UVRAG: variants seen among roughly 807,000 people sequenced by gnomAD.
UVRAG encodes UV radiation resistance-associated gene protein.
Under a neutral mutation model 78.0 loss-of-function variants are expected in UVRAG, and 19 were observed. The observed-to-expected ratio is 0.24, with a 90% CI of 0.17 to 0.36. UVRAG has a LOEUF of 0.36. Ranked by LOEUF, UVRAG falls within the 10% of genes least tolerant of loss-of-function variation. The pLI, the probability that UVRAG is intolerant of heterozygous loss-of-function variation, is 1.00. For missense variants in UVRAG, 740 were observed against 853.8 expected (o/e 0.87, Z 1.66); for synonymous variants, 323 against 324.6 (o/e 1.00, Z 0.05).
intron 7 of UVRAG, among the ~76,000 whole-genome samples, chr11:75,963,874 T>C (rs1948960574): frequency 6.6e-6 from 1 of 152,218 alleles, no homozygotes; most frequent in Non-Finnish European, 1.5e-5. Flanking sequence ...TTGTCTGGGC[T>C]GCTCTTGAAC....
chr11:75,950,285 G>A (rs575834070), intron 6 of UVRAG, among the ~76,000 whole-genome samples: 3 of 152,194 alleles, frequency 2.0e-5, no homozygotes, highest in East Asian at 1.9e-4. Context: ...TTAGAGACAG[G>A]GACTCATTCT....
At chr11:76,088,356 G>A (rs1951630944) in intron 13 of UVRAG, among the ~76,000 whole-genome samples, 1 of 152,056 alleles carries the variant, frequency 6.6e-6, no homozygotes, top group Admixed American at 6.5e-5. Context: ...TGAGAAAAAC[G>A]AGGACGAGGG....
In UVRAG at chr11:75,897,744, G is replaced by T. The variant is rs143066434; in HGVS notation, c.507+8841G>T. Among the ~76,000 whole-genome samples, 1,497 of 151,810 alleles carry T rather than the reference G, an allele frequency of 9.9e-3. 10 individuals are homozygous for T. Among genetic ancestry groups the T allele is most frequent in the African/African-American group, 0.027 (1,136 of 41,380 alleles). ...TCACCATGTTGTCCAGGCTGGTCTCGAACTCCTGACCTCAAGTGATCTGCC... is the reference window on the plus strand; with the variant it reads ...TCACCATGTTGTCCAGGCTGGTCTCTAACTCCTGACCTCAAGTGATCTGCC... On this transcript the variant is annotated intron_variant, in intron 5 of 14. Coordinates refer to ENST00000356136, the MANE Select transcript of UVRAG (RefSeq NM_003369.4).
intron 8 of UVRAG, among the ~76,000 whole-genome samples, chr11:76,002,020 C>T (rs1244909704): frequency 6.6e-6 from 1 of 152,142 alleles, no homozygotes; most frequent in African/African-American, 2.4e-5. Flanking sequence ...TGCTCTTAAA[C>T]ATGGACATCA....
Position 76,028,956 on chromosome 11 carries a change from C to T in UVRAG, c.1226+11976C>T, listed in dbSNP as rs895304433. Among the ~76,000 whole-genome samples, 6 of 152,072 alleles carry T rather than the reference C, an allele frequency of 3.9e-5. No homozygotes were observed. In the South Asian group the frequency reaches 6.2e-4, roughly 16 times the overall value. Reference sequence around the variant, plus strand: ...TGGAAGAAAATGCCATCTAGGACTTCGATAGCTGGAAAGGAGAAGTCAATG... The same window carrying T: ...TGGAAGAAAATGCCATCTAGGACTTTGATAGCTGGAAAGGAGAAGTCAATG... On this transcript the variant is annotated intron_variant, in intron 12 of 14. Transcript: ENST00000356136.
chr11:76,072,104 A>G (rs1951321712), intron 13 of UVRAG, among the ~76,000 whole-genome samples: 2 of 152,138 alleles, frequency 1.3e-5, no homozygotes, highest in Admixed American at 6.5e-5. Context: ...CAGAGCTGAA[A>G]AGAGAGAGAG....
intron 6 of UVRAG, among the ~76,000 whole-genome samples, chr11:75,947,913 A>G (rs1383727862): frequency 6.6e-6 from 1 of 152,236 alleles, no homozygotes; most frequent in Non-Finnish European, 1.5e-5. Flanking sequence ...TTCATTCACC[A>G]ACGAATTATT....
intron 6 of UVRAG, among the ~76,000 whole-genome samples, chr11:75,941,681 A>G (rs1328908108): frequency 6.6e-6 from 1 of 152,076 alleles, no homozygotes; most frequent in East Asian, 1.9e-4. Context: ...CTGCAACCTG[A>G]TATTATTTCC....
At chr11:75,824,062 TA>T (rs200413270) in intron 1 of UVRAG, among the ~76,000 whole-genome samples, 7 of 150,090 alleles carry the variant, frequency 4.7e-5, no homozygotes, top group South Asian at 4.2e-4. Flanking sequence ...TTTCTATTAC[TA>T]AAAAAAAAAT....
Position 76,035,202 on chromosome 11 carries a change from AC to A in UVRAG, c.1226+18224del, listed in dbSNP as rs1051548625. 6.6e-5 allele frequency among the ~76,000 whole-genome samples: 10 copies of A among 152,274 alleles called. No individual in the cohort carries two copies. In the South Asian group the frequency reaches 1.7e-3, roughly 25 times the overall value. Reference sequence around the variant, plus strand: ...CTAGGAGAAAAACTTTTTAGAAGCCACCTCCTAATATTGAATTTGCTGAGTC... The same window carrying A: ...CTAGGAGAAAAACTTTTTAGAAGCCACTCCTAATATTGAATTTGCTGAGTC... On this transcript the variant is annotated intron_variant, in intron 12 of 14. Transcript: ENST00000356136.
intron 13 of UVRAG, among the ~76,000 whole-genome samples, chr11:76,114,138 T>G (rs1386500525): frequency 6.6e-6 from 1 of 152,166 alleles, no homozygotes; most frequent in African/African-American, 2.4e-5. Flanking sequence ...CCATGCCATG[T>G]GTAAACGATT....
chr11:75,889,556 C>G (rs919030886), intron 5 of UVRAG, among the ~76,000 whole-genome samples: 19 of 152,198 alleles, frequency 1.2e-4, no homozygotes, highest in African/African-American at 4.6e-4. Context: ...AAAGCCTGTG[C>G]TTTTTCTATT....
At chr11:75,869,096 G>A (rs898212986) in intron 3 of UVRAG, among the ~76,000 whole-genome samples, 11 of 152,202 alleles carry the variant, frequency 7.2e-5, no homozygotes, top group African/African-American at 2.4e-4. Context: ...AGCAGGCTGA[G>A]GAACTTGATC....
At chr11:76,030,105 GATATTTTTA>G (rs1476423728) in intron 12 of UVRAG, among the ~76,000 whole-genome samples, 1 of 151,658 alleles carries the variant, frequency 6.6e-6, no homozygotes, top group Admixed American at 6.6e-5. Flanking sequence ...CATGTTCAAA[GATATTTTTA>G]AAACATAATG....
At chr11:76,057,193 G>T (rs1284447408) in intron 12 of UVRAG, among the ~76,000 whole-genome samples, 47 of 146,430 alleles carry the variant, frequency 3.2e-4, no homozygotes, top group Non-Finnish European at 1.5e-5. Context: ...CTAAGTAGGA[G>T]ACTGGGTGCC....
chr11:75,967,581 T>G (rs1450863629), intron 7 of UVRAG, among the ~76,000 whole-genome samples: 1 of 152,234 alleles, frequency 6.6e-6, no homozygotes, highest in Admixed American at 6.5e-5. Flanking sequence ...TCAAAGTTAT[T>G]GGTCTCAAGA....
intron 13 of UVRAG, among the ~76,000 whole-genome samples, 175 bp downstream of exon 13, chr11:76,065,963 G>A (rs1310856709): frequency 3.3e-5 from 5 of 152,122 alleles, no homozygotes; most frequent in Admixed American, 1.3e-4. Flanking sequence ...CCCTTAAAAT[G>A]ACTACAGAGA....
intron 1 of UVRAG, among the ~76,000 whole-genome samples, chr11:75,827,981 A>G (rs1945552831): frequency 1.3e-5 from 2 of 152,220 alleles, no homozygotes; most frequent in Admixed American, 1.3e-4. Flanking sequence ...TAAGATGTTA[A>G]TATCTAAGTA....
intron 8 of UVRAG, among the ~76,000 whole-genome samples, chr11:75,986,423 G>A (rs962166848): frequency 8.6e-5 from 13 of 151,864 alleles, no homozygotes; most frequent in South Asian, 4.2e-4. Flanking sequence ...AAAATTCACC[G>A]GAAGCCTTAT....
Sources: allele counts gnomAD v4.1 joint callset (sites outside exome capture counted in the v4.1 genomes callset), GRCh38; gene constraint gnomAD v4.1.1; transcripts MANE v1.5; gene names NCBI Gene and HGNC (gene_info 2026-07-23, HGNC 2026-07-21).